Variants in SLIT3 observed in about 807,000 individuals in gnomAD.
SLIT3 encodes slit guidance ligand 3.
Under a neutral mutation model 184.0 loss-of-function variants are expected in SLIT3, and 68 were observed. That is an observed-to-expected ratio of 0.37 (90% CI 0.30 to 0.45). The LOEUF (loss-of-function observed/expected upper bound fraction) is 0.45. SLIT3 is among the 20% of genes least tolerant of loss of function. SLIT3 has a pLI of 1.00. For missense variants in SLIT3, 1,707 were observed against 2,026.0 expected (o/e 0.84, Z 3.02); for synonymous variants, 831 against 828.6 (o/e 1.00, Z -0.05).
At chr5:169,081,771 G>A (rs144443896) in intron 4 of SLIT3, among the ~76,000 whole-genome samples, 4 of 152,290 alleles carry the variant, frequency 2.6e-5, no homozygotes, top group African/African-American at 7.2e-5. Flanking sequence ...AATAACCCCC[G>A]AATGTATTTA....
At chr5:168,759,748 A>T (rs1417206643) in intron 16 of SLIT3, among the ~76,000 whole-genome samples, 1 of 152,138 alleles carries the variant, frequency 6.6e-6, no homozygotes, top group Non-Finnish European at 1.5e-5. Context: ...GAGAGTCTTG[A>T]CTTTGGACTT....
intron 10 of SLIT3, among the ~76,000 whole-genome samples, chr5:168,793,249 T>C (rs1470392902): frequency 6.6e-6 from 1 of 152,208 alleles, no homozygotes; most frequent in East Asian, 1.9e-4. Context: ...TCCCCTTTTT[T>C]CTTTTCTTTT....
chr5:168,883,930 A>G (rs1760063458), intron 4 of SLIT3, among the ~76,000 whole-genome samples: 1 of 152,120 alleles, frequency 6.6e-6, no homozygotes, highest in South Asian at 2.1e-4. Context: ...GCATTTCCAC[A>G]GGTCCATGCA....
intron 4 of SLIT3, among the ~76,000 whole-genome samples, chr5:169,093,536 T>A (rs1759666569): frequency 6.6e-6 from 1 of 152,212 alleles, no homozygotes; most frequent in South Asian, 2.1e-4. Context: ...GTCGAGTTGA[T>A]CATTCCTGAA....
intron 1 of SLIT3, chr5:169,263,565 A>T (rs763803999): frequency 1.3e-5 from 6 of 448,446 alleles, no homozygotes; most frequent in Admixed American, 3.0e-5. Flanking sequence ...GTCTGAAAGG[A>T]TGATTGCTGT....
chr5:169,279,992 A>G (rs192444931), intron 1 of SLIT3, among the ~76,000 whole-genome samples: 5 of 152,340 alleles, frequency 3.3e-5, no homozygotes, highest in Admixed American at 3.3e-4. Flanking sequence ...GCAATCATCA[A>G]TGCTACCTTC....
intron 3 of SLIT3, among the ~76,000 whole-genome samples, chr5:169,195,095 T>C (rs932670047): frequency 6.6e-6 from 1 of 152,158 alleles, no homozygotes; most frequent in Non-Finnish European, 1.5e-5. Context: ...GCCTATTACA[T>C]GATGTAACTA....
chr5:169,289,999 A>C (rs117381173), intron 1 of SLIT3, among the ~76,000 whole-genome samples: 2,341 of 151,394 alleles, frequency 0.015, 31 homozygotes, highest in East Asian at 0.067. Flanking sequence ...ACTAGGGCAT[A>C]CACTAGGGCA....
intron 5 of SLIT3, among the ~76,000 whole-genome samples, chr5:168,873,592 T>C (rs1183037546): frequency 1.3e-5 from 2 of 152,150 alleles, no homozygotes; most frequent in Non-Finnish European, 2.9e-5. Context: ...GTCCTGCCAC[T>C]GCACTCTAGC....
intron 29 of SLIT3, among the ~76,000 whole-genome samples, chr5:168,689,640 T>G (rs1304575809): frequency 6.6e-6 from 1 of 152,244 alleles, no homozygotes; most frequent in Non-Finnish European, 1.5e-5. Flanking sequence ...TTTTGGCTAT[T>G]GTATTATGGA....
At chr5:169,174,680 C>T (rs573718120) in intron 4 of SLIT3, among the ~76,000 whole-genome samples, 3 of 152,246 alleles carry the variant, frequency 2.0e-5, no homozygotes, top group South Asian at 2.1e-4. Context: ...TTAAGTTCTA[C>T]TGAAGGCCAA....
chr5:169,213,758 T>C (rs748715412), intron 3 of SLIT3, among the ~76,000 whole-genome samples: 46 of 152,224 alleles, frequency 3.0e-4, no homozygotes, highest in Admixed American at 1.0e-3. Flanking sequence ...AAAACTTTTT[T>C]CTCTTCCTAC....
At chr5:168,811,276 T>C (rs1205073694) in intron 8 of SLIT3, among the ~76,000 whole-genome samples, 3 of 152,196 alleles carry the variant, frequency 2.0e-5, no homozygotes, top group South Asian at 2.1e-4. Context: ...AGACACTGCA[T>C]TGAGTGCTCT....
At position 168,744,925 on chromosome 5, in the gene SLIT3, A is replaced by T. The variant is rs186769750; in HGVS notation, c.2270+3377T>A. On this transcript the variant is annotated intron_variant, in intron 20 of 35. Coordinates refer to ENST00000519560, the MANE Select transcript of SLIT3 (RefSeq NM_003062.4). ...TTTCAACTTTCAAGTCTTATTATTT[A>T]AGAAATATATTTTGTAAGGCCATAA... is the stretch of plus-strand genomic sequence containing the variant. 2.2e-3 allele frequency among the ~76,000 whole-genome samples: 341 copies of T among 152,334 alleles called. 4 individuals are homozygous for T. Among genetic ancestry groups the T allele is most frequent in the African/African-American group, 7.6e-3 (316 of 41,576 alleles).
At chr5:168,687,689 C>T (rs1347269441) in intron 29 of SLIT3, among the ~76,000 whole-genome samples, 1 of 152,194 alleles carries the variant, frequency 6.6e-6, no homozygotes, top group Non-Finnish European at 1.5e-5. Flanking sequence ...ATAAATAACT[C>T]CACCTCTTAT....
At chr5:168,886,032 T>C (rs770657020) in intron 4 of SLIT3, among the ~76,000 whole-genome samples, 12 of 152,220 alleles carry the variant, frequency 7.9e-5, no homozygotes, top group Non-Finnish European at 1.3e-4. Flanking sequence ...TGCTCCTACT[T>C]TACGGAGCCA....
chr5:169,247,014 A>G (rs1214254608), intron 2 of SLIT3, among the ~76,000 whole-genome samples: 1 of 149,410 alleles, frequency 6.7e-6, no homozygotes, highest in African/African-American at 2.5e-5. Flanking sequence ...GCAGATCACG[A>G]GGTCAGGAGT....
intron 32 of SLIT3, among the ~76,000 whole-genome samples, chr5:168,682,958 T>C (rs1761634560): frequency 6.6e-6 from 1 of 152,126 alleles, no homozygotes; most frequent in Non-Finnish European, 1.5e-5. Context: ...ACTAAATTTT[T>C]ATTTTAATAT....
chr5:168,787,586 C>T (rs975247388), intron 11 of SLIT3, among the ~76,000 whole-genome samples: 3 of 152,072 alleles, frequency 2.0e-5, no homozygotes, highest in East Asian at 1.9e-4. Context: ...TTCTTCATAT[C>T]GCTTATCTTT....
Sources: gnomAD v4.1 joint callset for allele counts (sites outside exome capture counted in the v4.1 genomes callset) on GRCh38, gnomAD v4.1.1 for gene constraint, MANE v1.5 for transcripts, NCBI Gene and HGNC (gene_info 2026-07-23, HGNC 2026-07-21) for gene names.